IDUA: variants seen among roughly 807,000 people sequenced by gnomAD.
The protein encoded by IDUA is alpha-L-iduronidase.
Under a neutral mutation model 68.9 loss-of-function variants are expected in IDUA, and 65 were observed. The observed-to-expected ratio is 0.94, with a 90% CI of 0.77 to 1.16. IDUA has a LOEUF of 1.16. Ranked by LOEUF, IDUA falls within the 50% of genes most tolerant of loss-of-function variation. The pLI, the probability that IDUA is intolerant of heterozygous loss-of-function variation, is 0.00. For missense variants in IDUA, 1,046 were observed against 938.0 expected, an observed-to-expected ratio of 1.12 and a Z score of -1.50; for synonymous variants, 529 against 433.6, an observed-to-expected ratio of 1.22 and a Z score of -2.73.
chr4:990,609 G>T lies in IDUA; in HGVS notation c.299+2660G>T. 4 of 551,896 alleles carry T rather than the reference G, an allele frequency of 7.2e-6. No individual in the cohort carries two copies. The South Asian group carries it at 9.6e-5, about 13-fold the overall frequency. 34.2% of individuals were successfully genotyped at this position (551,896 alleles called of 1,614,324 possible). ...CGTGCACACAGCTGGCCATAGACAC[G>T]TCTAACCCTTGTCACGTGCAGCAGC... On this transcript the variant is annotated intron_variant, in intron 2 of 13. Transcript: ENST00000514224.
At chr4:991,387 A>G in intron 2 of IDUA, 2 of 1,612,846 alleles carry the variant, frequency 1.2e-6, no homozygotes, top group Non-Finnish European at 1.7e-6. Context: ...GTTGGCGAAG[A>G]AGGACGTATA....
At chr4:999,453 C>T (rs577466870) in intron 2 of IDUA, among the ~76,000 whole-genome samples, 14 of 152,334 alleles carry the variant, frequency 9.2e-5, no homozygotes, top group Non-Finnish European at 1.8e-4. Flanking sequence ...CCATCTGCTG[C>T]CTGGATGTCT....
At chr4:992,008 G>A in intron 2 of IDUA, 2 of 647,190 alleles carry the variant, frequency 3.1e-6, no homozygotes, top group South Asian at 1.6e-5. Context: ...CTGAGGGGCG[G>A]CGTGGCGGCA....
intron 2 of IDUA, among the ~76,000 whole-genome samples, chr4:997,648 G>C (rs942023668): frequency 6.6e-6 from 1 of 152,142 alleles, no homozygotes; most frequent in Non-Finnish European, 1.5e-5. Context: ...GCGGTGGCTC[G>C]TCTGCGTCTC....
intron 2 of IDUA, chr4:990,649 A>T (rs960978348): frequency 4.6e-5 from 22 of 477,072 alleles, no homozygotes; most frequent in Non-Finnish European, 7.4e-5. Flanking sequence ...TTTATTTCAG[A>T]ATTAAGACCT....
intron 2 of IDUA, among the ~76,000 whole-genome samples, chr4:996,648 C>T (rs1714758453): frequency 6.6e-6 from 1 of 152,218 alleles, no homozygotes; most frequent in Admixed American, 6.5e-5. Flanking sequence ...CTTTTAGTCC[C>T]CACCTAGGCT....
At position 1,000,523 on chromosome 4, in the gene IDUA, C is replaced by T. The variant is rs1053453290; in HGVS notation, c.300-89C>T. ...AGTCCTGTGTGGCACCTTGCAGGCT[C>T]CCACATGCTCCGTTGTGGCCACGGT... On this transcript the variant is annotated intron_variant, in intron 2 of 13. Transcript: ENST00000514224. The T allele has an allele frequency of 3.5e-5, 36 of 1,034,000 alleles. No individual in the cohort carries two copies. The East Asian group carries it at 3.6e-4, about 10-fold the overall frequency. 64.1% of individuals were successfully genotyped at this position (1,034,000 alleles called of 1,614,324 possible). A position where few individuals can be genotyped will look rare whatever the true frequency, so the allele number is the denominator to read the frequency against.
rs1189892945 is a variant in IDUA at position 989,076 on chromosome 4, G to C, written c.299+1127G>C. 3 of 1,593,860 alleles carry C rather than the reference G, an allele frequency of 1.9e-6. No individual in the cohort carries two copies. The highest frequency in any genetic ancestry group is 1.7e-5 in the Admixed American group (1 of 57,582). ...GCGTGCTCACACCGGCTGCGTCTAG[G>C]AACAGCAGCGGGGCGCAGTCGATGA... On this transcript the variant is annotated intron_variant, in intron 2 of 13. Coordinates refer to ENST00000514224, the MANE Select transcript of IDUA (RefSeq NM_000203.5).
At chr4:987,023 C>T (rs1447064463), upstream of IDUA, 3 of 1,491,376 alleles carry the variant, frequency 2.0e-6, no homozygotes, top group Admixed American at 4.1e-5. Flanking sequence ...GCCCAGACTC[C>T]GACCCGGAGG....
Position 1,001,844 on chromosome 4 carries a change from C to T in IDUA, c.755C>T (p.Ala252Val). ...HDGTNFFTGEAGVRLDYISLH... is the reference protein window; with the variant it reads ...HDGTNFFTGEVGVRLDYISLH... ...GGTACCAACTTCTTCACTGGGGAGG[C>T]GGGCGTGCGGCTGGACTACATCTCC... is the stretch of plus-strand genomic sequence containing the variant. Residue 252 changes from alanine to valine, a missense_variant, in exon 6 of 14, where the codon GCG becomes GTG. By Grantham distance (64) the Ala-to-Val change is moderately conservative. Coordinates refer to ENST00000514224, the MANE Select transcript of IDUA (RefSeq NM_000203.5). The T allele has an allele frequency of 6.3e-7, 1 of 1,599,138 alleles. No individual in the cohort carries two copies. Among genetic ancestry groups the T allele is most frequent in the Non-Finnish European group, 8.5e-7 (1 of 1,174,538 alleles).
rs1238128027 is a variant in IDUA at position 1,001,522 on chromosome 4, C to G, written c.548C>G (p.Pro183Arg). ...TGGAACTTCGAGACGTGGAATGAGC[C>G]AGACCACCACGACTTTGACAACGTC... ...SKWNFETWNEPDHHDFDNVSM... is the reference protein window; with the variant it reads ...SKWNFETWNERDHHDFDNVSM... Residue 183 changes from proline (P) to arginine (R), a missense_variant, in exon 5 of 14, where the codon CCA becomes CGA. By Grantham distance (103) the Pro-to-Arg change is moderately radical. Transcript: ENST00000514224. 6.2e-7 allele frequency: 1 copy of G among 1,613,282 alleles called. No homozygotes were observed. The highest frequency in any genetic ancestry group is 1.1e-5 in the South Asian group (1 of 91,090).
chr4:1,003,141 G>T lies in IDUA; in HGVS notation c.1508G>T (p.Arg503Leu). Residue 503 changes from arginine to leucine, a missense_variant, in exon 10 of 14, where the codon CGC becomes CTC. Coordinates refer to ENST00000514224, the MANE Select transcript of IDUA (RefSeq NM_000203.5). Reference sequence around the variant, plus strand: ...TTCCCCACGGCAGAGCAGTTCCGGCGCATGCGCGCGGCTGAGGTAGGTGGG... The same window carrying T: ...TTCCCCACGGCAGAGCAGTTCCGGCTCATGCGCGCGGCTGAGGTAGGTGGG... ...PVFPTAEQFR[R>L]MRAAEDPVAA... 1 of 1,449,324 alleles carries T rather than the reference G, an allele frequency of 6.9e-7. No homozygotes were observed. The highest frequency in any genetic ancestry group is 9.0e-7 in the Non-Finnish European group (1 of 1,105,150). 89.8% of individuals were successfully genotyped at this position (1,449,324 alleles called of 1,614,324 possible).
intron 2 of IDUA, chr4:991,550 C>A: frequency 6.2e-7 from 1 of 1,605,454 alleles, no homozygotes; most frequent in Non-Finnish European, 8.5e-7. Flanking sequence ...GGGAGCAGGT[C>A]CTGCACCAGC....
Position 1,001,425 on chromosome 4 carries a change from C to T in IDUA, c.494-43C>T, listed in dbSNP as rs147390369. ...CCTCCCTCCGTGGGAGTCACTGAGG[C>T]GAGATTCACCTGTGCTGGGGGGACA... On this transcript the variant is annotated intron_variant, in intron 4 of 13. Coordinates refer to ENST00000514224, the MANE Select transcript of IDUA (RefSeq NM_000203.5). 4.1e-5 allele frequency: 63 copies of T among 1,538,528 alleles called. No individual in the cohort carries two copies. In the Admixed American group the frequency reaches 9.7e-4, roughly 24 times the overall value.
chr4:992,532 G>A (rs966164351), intron 2 of IDUA, among the ~76,000 whole-genome samples: 1 of 152,254 alleles, frequency 6.6e-6, no homozygotes, highest in Non-Finnish European at 1.5e-5. Context: ...GGCCAGCTGG[G>A]AGGGGAGGAG....
rs1439543893 is a variant in IDUA, at chr4:1,004,102, G to A, written c.1818G>A (p.Val606=). The A allele has an allele frequency of 1.2e-6, 2 of 1,613,018 alleles. No individual in the cohort carries two copies. Among genetic ancestry groups the A allele is most frequent in the Admixed American group, 3.3e-5 (2 of 59,958 alleles). ...AGCCATCGACCTTCAACCTCTTTGT[G>A]TTCAGCCCAGGTGCGCCCACCACCC... ...SRKPSTFNLF[V]FSPDTGAVSG... The change falls in exon 13 of 14, where the codon GTG becomes GTA. Residue 606 remains valine (V), a synonymous_variant. Transcript: ENST00000514224. The surrounding 1 kb of genome is among the most constrained non-coding windows in gnomAD (Gnocchi z 5.0).
chr4:990,944 T>A (rs959443571), intron 2 of IDUA: 1 of 609,670 alleles, frequency 1.6e-6, no homozygotes. Flanking sequence ...ATCCACAGCC[T>A]CTCCGCGTCG....
chr4:990,262 G>A lies in IDUA; in HGVS notation c.299+2313G>A, dbSNP rs763867064. 3.1e-6 allele frequency: 5 copies of A among 1,593,924 alleles called. No homozygotes were observed. Among genetic ancestry groups the A allele is most frequent in the African/African-American group, 1.3e-5 (1 of 74,834 alleles). On this transcript the variant is annotated intron_variant, in intron 2 of 13. Coordinates refer to ENST00000514224, the MANE Select transcript of IDUA (RefSeq NM_000203.5). ...CACGCCCAGCAGGTGTTTGAGCTGC[G>A]AGGTCAGGATGGTCACGGAGGCCCC...
chr4:1,001,659 G>A lies in IDUA; in HGVS notation c.590-20G>A. ...GCTCATCCCCAGGGCAGGTGTAGACGCAGTGCTCCCCCGGCCCAGGCTTCC... is the reference window on the plus strand; with the variant it reads ...GCTCATCCCCAGGGCAGGTGTAGACACAGTGCTCCCCCGGCCCAGGCTTCC... On this transcript the variant is annotated intron_variant, in intron 5 of 13. Coordinates refer to ENST00000514224, the MANE Select transcript of IDUA (RefSeq NM_000203.5). 3 of 1,603,962 alleles carry A rather than the reference G, an allele frequency of 1.9e-6. No homozygotes were observed. Among genetic ancestry groups the A allele is most frequent in the South Asian group, 1.1e-5 (1 of 90,930 alleles).
Sources: gnomAD v4.1 joint callset for allele counts (sites outside exome capture counted in the v4.1 genomes callset) on GRCh38, gnomAD v4.1.1 for gene constraint, Gnocchi (gnomAD v3.1) non-coding constraint, MANE v1.5 for transcripts, NCBI Gene and HGNC (gene_info 2026-07-23, HGNC 2026-07-21) for gene names.